CACNG3: variants seen among roughly 807,000 people sequenced by gnomAD.
CACNG3 encodes the protein calcium voltage-gated channel auxiliary subunit gamma 3.
In CACNG3, 3 loss-of-function variants were observed where a neutral mutation model predicts 28.5. The ratio of observed to expected loss-of-function variants is 0.11; its 90% CI spans 0.05 to 0.27. CACNG3 has a LOEUF of 0.27. Ranked by LOEUF, CACNG3 falls within the 10% of genes least tolerant of loss-of-function variation. CACNG3 has a pLI of 1.00. For synonymous variants in CACNG3, 174 were observed against 162.2 expected (o/e 1.07, Z -0.55); for missense variants, 236 against 414.4 (o/e 0.57, Z 3.74).
chr16:24,330,974 T>C (rs1232644189), intron 1 of CACNG3, among the ~76,000 whole-genome samples: 1 of 152,136 alleles, frequency 6.6e-6, no homozygotes, highest in Non-Finnish European at 1.5e-5. Flanking sequence ...ATTTCAATGG[T>C]TTTTGTAAAC....
At chr16:24,261,755 C>G (rs146442373) in intron 1 of CACNG3, among the ~76,000 whole-genome samples, 1 of 152,264 alleles carries the variant, frequency 6.6e-6, no homozygotes, top group Non-Finnish European at 1.5e-5. Flanking sequence ...ATTTCTGCTA[C>G]AGATGGGCCA....
At position 24,316,335 on chromosome 16, in the gene CACNG3, C is replaced by T. The variant is rs555260509; in HGVS notation, c.212-30399C>T. Among the ~76,000 whole-genome samples, 461 of 151,802 alleles carry T rather than the reference C, an allele frequency of 3.0e-3. 3 individuals are homozygous for T. The highest frequency in any genetic ancestry group is 0.011 in the African/African-American group (442 of 41,478). On this transcript the variant is annotated intron_variant, in intron 1 of 3. Transcript: ENST00000005284. The stretch of plus-strand genomic sequence containing the variant: ...TGCCATCCCCTGAAACATGCCCCCA[C>T]GCCTTCCCAGGGCAGCACCCTCACT...
intron 2 of CACNG3, among the ~76,000 whole-genome samples, chr16:24,350,646 A>T (rs1464618777): frequency 6.6e-6 from 1 of 152,212 alleles, no homozygotes; most frequent in Admixed American, 6.5e-5. Flanking sequence ...ATAGCTTCAA[A>T]CATTCAAATC....
chr16:24,291,353 A>G (rs1898965218), intron 1 of CACNG3, among the ~76,000 whole-genome samples: 1 of 152,216 alleles, frequency 6.6e-6, no homozygotes, highest in Admixed American at 6.5e-5. Context: ...CCTGTCAACA[A>G]TACTTCTGGC....
intron 1 of CACNG3, among the ~76,000 whole-genome samples, chr16:24,335,585 G>C (rs1393255176): frequency 3.3e-5 from 5 of 152,154 alleles, no homozygotes; most frequent in Non-Finnish European, 7.3e-5. Context: ...AGGAAACTGA[G>C]GCACTTTTAA....
chr16:24,346,096 A>G (rs1022365268), intron 1 of CACNG3, among the ~76,000 whole-genome samples: 1 of 152,174 alleles, frequency 6.6e-6, no homozygotes, highest in Non-Finnish European at 1.5e-5. Context: ...TCCTTCACTG[A>G]CTGGAGGAGA....
intron 1 of CACNG3, among the ~76,000 whole-genome samples, chr16:24,297,972 T>C (rs1899054833): frequency 6.8e-6 from 1 of 146,646 alleles, no homozygotes; most frequent in Non-Finnish European, 1.5e-5. Context: ...TGTCTTCTTT[T>C]CTTTTTCAAA....
At position 24,326,531 on chromosome 16, in the gene CACNG3, T is replaced by G. The variant is rs375397738; in HGVS notation, c.212-20203T>G. Among the ~76,000 whole-genome samples the G allele has an allele frequency of 5.3e-5, 8 of 152,332 alleles. No individual in the cohort carries two copies. In the South Asian group the frequency reaches 1.2e-3, roughly 24 times the overall value. On this transcript the variant is annotated intron_variant, in intron 1 of 3. Coordinates refer to ENST00000005284, the MANE Select transcript of CACNG3 (RefSeq NM_006539.4). ...CCAAGACTATCTTCACTGGACAAACTTGGTCACTTGCCCTCCCCTGAACCA... is the reference window on the plus strand; with the variant it reads ...CCAAGACTATCTTCACTGGACAAACGTGGTCACTTGCCCTCCCCTGAACCA...
chr16:24,319,916 G>A (rs1273917473), intron 1 of CACNG3, among the ~76,000 whole-genome samples: 2 of 152,094 alleles, frequency 1.3e-5, no homozygotes, highest in East Asian at 3.9e-4. Flanking sequence ...GACTACAGGT[G>A]CACACCACCA....
At chr16:24,297,987 CTGTG>C (rs55859502) in intron 1 of CACNG3, among the ~76,000 whole-genome samples, 32,456 of 148,894 alleles carry the variant, frequency 0.22, 3,583 homozygotes, top group Middle Eastern at 0.3. Context: ...TTCAAAAGAT[CTGTG>C]TGTGTGTGTG....
chr16:24,285,878 C>A (rs1389391765), intron 1 of CACNG3, among the ~76,000 whole-genome samples: 1 of 142,584 alleles, frequency 7.0e-6, no homozygotes, highest in African/African-American at 2.6e-5. Flanking sequence ...GGGTCTCGCT[C>A]TGTCACCCAG....
chr16:24,333,899 G>A (rs1054076299), intron 1 of CACNG3, among the ~76,000 whole-genome samples: 2 of 152,130 alleles, frequency 1.3e-5, no homozygotes, highest in Non-Finnish European at 2.9e-5. Context: ...CAGATGCCCA[G>A]ATAAAGTAAG....
intron 1 of CACNG3, among the ~76,000 whole-genome samples, chr16:24,330,241 G>A (rs6497734): frequency 0.1 from 15,905 of 152,140 alleles, 907 homozygotes; most frequent in East Asian, 0.17. Flanking sequence ...CTCTGCACTC[G>A]CAGCTGCAGT....
intron 1 of CACNG3, among the ~76,000 whole-genome samples, chr16:24,263,650 G>C (rs1177447988): frequency 1.3e-5 from 2 of 152,168 alleles, no homozygotes; most frequent in East Asian, 3.8e-4. Context: ...TACTGACTAT[G>C]AGACCTTGAA....
chr16:24,318,166 A>G (rs1159250423), intron 1 of CACNG3, among the ~76,000 whole-genome samples: 2 of 152,038 alleles, frequency 1.3e-5, no homozygotes, highest in East Asian at 3.9e-4. Context: ...AACACGTAGG[A>G]GGCACTCAGT....
chr16:24,324,790 T>G (rs1197954155), intron 1 of CACNG3, among the ~76,000 whole-genome samples: 1 of 152,076 alleles, frequency 6.6e-6, no homozygotes, highest in Non-Finnish European at 1.5e-5. Context: ...TCTCTTCTGT[T>G]CCTCCATGCC....
At chr16:24,264,859 A>C (rs145301143) in intron 1 of CACNG3, among the ~76,000 whole-genome samples, 1 of 152,330 alleles carries the variant, frequency 6.6e-6, no homozygotes, top group African/African-American at 2.4e-5. Context: ...GCCAAACTAA[A>C]ACTGGTGCAT....
chr16:24,295,236 A>G (rs758040190), intron 1 of CACNG3, among the ~76,000 whole-genome samples: 10 of 152,100 alleles, frequency 6.6e-5, no homozygotes, highest in Non-Finnish European at 1.2e-4. Flanking sequence ...GCCCCGATGT[A>G]CTTCCTGGAG....
At chr16:24,261,784 C>T (rs894345173) in intron 1 of CACNG3, among the ~76,000 whole-genome samples, 10 of 152,082 alleles carry the variant, frequency 6.6e-5, no homozygotes, top group African/African-American at 2.4e-4. Context: ...TCAAACATCT[C>T]GCTGAAAAAC....
Sources: allele counts gnomAD v4.1 joint callset (sites outside exome capture counted in the v4.1 genomes callset), GRCh38; gene constraint gnomAD v4.1.1; transcripts MANE v1.5; gene names NCBI Gene and HGNC (gene_info 2026-07-23, HGNC 2026-07-21).